The following CELF2 variants were observed in gnomAD, a reference collection of about 807,000 sequenced individuals.
CELF2 encodes CUG triplet repeat RNA-binding protein 2.
CELF2 carries 8 observed loss-of-function variants against 62.6 expected under a neutral mutation model. The ratio of observed to expected loss-of-function variants is 0.13; its 90% CI spans 0.07 to 0.23. The LOEUF is 0.23. CELF2 is among the 10% of genes least tolerant of loss of function. The pLI is 1.00. For synonymous variants in CELF2, 258 were observed against 250.0 expected (o/e 1.03, Z -0.30); for missense variants, 333 against 671.0 (o/e 0.50, Z 5.56).
At chr10:10,919,093 A>G (rs1197384829) in intron 1 of CELF2, among the ~76,000 whole-genome samples, 1 of 152,130 alleles carries the variant, frequency 6.6e-6, no homozygotes, top group East Asian at 1.9e-4. Flanking sequence ...CAACGTGGAA[A>G]AACCTGTCTC....
rs1399304271 is a variant in CELF2 at position 11,110,974 on chromosome 10, G to A, written c.75-54512G>A. Reference sequence around the variant, plus strand: ...CCAGCAAGGCCCTTTTGGGAGAAGGGTTATAAGGTTGGAAGATAATCAGCT... The same window carrying A: ...CCAGCAAGGCCCTTTTGGGAGAAGGATTATAAGGTTGGAAGATAATCAGCT... On this transcript the variant is annotated intron_variant, in intron 1 of 12. Transcript: ENST00000633077. The surrounding 1 kb of genome is among the most constrained non-coding windows in gnomAD (Gnocchi z 4.0). Among the ~76,000 whole-genome samples, 2 of 152,136 alleles carry A rather than the reference G, an allele frequency of 1.3e-5. No homozygotes were observed. Among genetic ancestry groups the A allele is most frequent in the African/African-American group, 2.4e-5 (1 of 41,420 alleles).
Position 10,953,443 on chromosome 10 carries a change from C to G in CELF2, c.89+33444C>G, listed in dbSNP as rs533447664. 2.0e-5 allele frequency among the ~76,000 whole-genome samples: 3 copies of G among 152,124 alleles called. No homozygotes were observed. In the South Asian group the frequency reaches 6.2e-4, roughly 32 times the overall value. On this transcript the variant is annotated intron_variant, in intron 2 of 13. Transcript: ENST00000636488. ...AAATTTAGCTGCTGAAGTTATCTAA[C>G]AAGAATAATTGTTCATTTTCTCTTT...
At chr10:10,975,204 A>G (rs768179853) in intron 2 of CELF2, among the ~76,000 whole-genome samples, 1 of 152,032 alleles carries the variant, frequency 6.6e-6, no homozygotes, top group African/African-American at 2.4e-5. Context: ...TGCAGCTTCA[A>G]CCTCCCAGAT....
intron 3 of CELF2, among the ~76,000 whole-genome samples, chr10:11,239,746 T>C (rs1004252529): frequency 5.3e-5 from 8 of 152,136 alleles, no homozygotes; most frequent in African/African-American, 1.9e-4. Context: ...TTTATAAAAT[T>C]ATGTCAGCAA....
In CELF2 at chr10:11,078,708, C is replaced by T. The variant is rs971273722; in HGVS notation, c.74+60545C>T. On this transcript the variant is annotated intron_variant, in intron 1 of 12. Transcript: ENST00000633077. ...GTGGGCGGTTCTTTCTCTTCATGCA[C>T]GGCTTGCAGAAAATATAAAAGAATC... 4.6e-5 allele frequency among the ~76,000 whole-genome samples: 7 copies of T among 152,132 alleles called. No individual in the cohort carries two copies. In the East Asian group the frequency reaches 7.7e-4, roughly 17 times the overall value.
intron 2 of CELF2, among the ~76,000 whole-genome samples, chr10:11,182,185 T>C (rs1482277445): frequency 6.6e-6 from 1 of 152,206 alleles, no homozygotes; most frequent in Admixed American, 6.5e-5. Context: ...TTCGTTTGGC[T>C]CCAGTGTGAA....
intron 1 of CELF2, among the ~76,000 whole-genome samples, chr10:11,155,538 G>A (rs2064178702): frequency 6.6e-6 from 1 of 152,162 alleles, no homozygotes. Context: ...CATCCGGATG[G>A]GAAGTTTGTG....
chr10:10,867,700 ATTC>A (rs1198111779), intron 1 of CELF2, among the ~76,000 whole-genome samples: 1 of 152,090 alleles, frequency 6.6e-6, no homozygotes, highest in Non-Finnish European at 1.5e-5. Context: ...TTCCTCATCT[ATTC>A]TTTAAACCTG....
At chr10:10,712,152 A>AC in the CELF2 span, among the ~76,000 whole-genome samples, 631 of 140,466 alleles carry the variant, frequency 4.5e-3, 8 homozygotes, top group African/African-American at 0.018. Context: ...AGAGACAAAA[A>AC]AAAAAAAAAA....
the CELF2 span, among the ~76,000 whole-genome samples, chr10:10,538,348 C>T: frequency 6.6e-6 from 1 of 152,200 alleles, no homozygotes; most frequent in Non-Finnish European, 1.5e-5. Context: ...CAATGGAGCT[C>T]AGCCTCCTGG....
At chr10:10,649,069 C>G in the CELF2 span, among the ~76,000 whole-genome samples, 3 of 152,132 alleles carry the variant, frequency 2.0e-5, no homozygotes, top group African/African-American at 4.8e-5. Context: ...AACTGATTTC[C>G]CATCTATCCC....
At chr10:10,664,092 T>C in the CELF2 span, among the ~76,000 whole-genome samples, 2 of 152,320 alleles carry the variant, frequency 1.3e-5, no homozygotes, top group East Asian at 3.9e-4. Flanking sequence ...CTTCAAAACC[T>C]GAGTGAAAGA....
the CELF2 span, among the ~76,000 whole-genome samples, chr10:10,557,291 A>G: frequency 6.6e-6 from 1 of 150,490 alleles, no homozygotes; most frequent in Non-Finnish European, 1.5e-5. Flanking sequence ...TAAATAGGGA[A>G]TCCTTTCCCC....
chr10:11,078,372 G>A, intron 1 of CELF2, among the ~76,000 whole-genome samples: 1 of 152,142 alleles, frequency 6.6e-6, no homozygotes, highest in East Asian at 1.9e-4. Context: ...CAAGGGAAGG[G>A]AATGAATTCA....
chr10:10,944,568 G>A (rs1374067515), intron 2 of CELF2, among the ~76,000 whole-genome samples: 1 of 152,124 alleles, frequency 6.6e-6, no homozygotes, highest in Admixed American at 6.5e-5. Flanking sequence ...ATGGTAGTGA[G>A]CGGCACAGAA....
In CELF2 at chr10:11,120,238, A is replaced by T. The variant is rs552697093; in HGVS notation, c.75-45248A>T. ...TATGCATATTTAGCTCTTAATTTAC[A>T]CATCGGTGCAGAAAAGGAGACCCTA... On this transcript the variant is annotated intron_variant, in intron 1 of 12. Transcript: ENST00000633077. Among the ~76,000 whole-genome samples, 6 of 152,276 alleles carry T rather than the reference A, an allele frequency of 3.9e-5. No homozygotes were observed. In the East Asian group the frequency reaches 1.2e-3, roughly 29 times the overall value.
intron 2 of CELF2, among the ~76,000 whole-genome samples, chr10:11,198,103 G>A (rs1374185482): frequency 6.6e-6 from 1 of 152,170 alleles, no homozygotes. Flanking sequence ...GGATTAATCT[G>A]GAACCCACTG....
chr10:10,766,715 C>T, the CELF2 span, among the ~76,000 whole-genome samples: 1 of 152,208 alleles, frequency 6.6e-6, no homozygotes, highest in Non-Finnish European at 1.5e-5. Context: ...CTATGTCTGC[C>T]CTGGGGTTGC....
chr10:10,954,019 C>T (rs2048605825), intron 2 of CELF2, among the ~76,000 whole-genome samples: 1 of 151,716 alleles, frequency 6.6e-6, no homozygotes, highest in South Asian at 2.1e-4. Flanking sequence ...AAAGATGCAT[C>T]ACACACTCCT....
Sources: gnomAD v4.1 joint callset for allele counts (sites outside exome capture counted in the v4.1 genomes callset) on GRCh38, gnomAD v4.1.1 for gene constraint, Gnocchi (gnomAD v3.1) non-coding constraint, MANE v1.5 for transcripts, NCBI Gene and HGNC (gene_info 2026-07-23, HGNC 2026-07-21) for gene names.